Variants in ELL observed in about 807,000 individuals in gnomAD.
ELL encodes RNA polymerase II elongation factor ELL.
Under a neutral mutation model 64.0 loss-of-function variants are expected in ELL, and 18 were observed. The ratio of observed to expected loss-of-function variants is 0.28; its 90% confidence interval spans 0.19 to 0.42. The LOEUF (loss-of-function observed/expected upper bound fraction) is 0.42, where lower values mean the gene tolerates loss of function less well. Ranked by LOEUF, ELL falls within the 10% of genes least tolerant of loss-of-function variation. The probability of loss-of-function intolerance (pLI) is 1.00; values close to 1 mark genes in which losing one functional copy is unlikely to be tolerated. For synonymous variants in ELL, 399 were observed against 376.2 expected, an observed-to-expected ratio of 1.06 and a Z score of -0.70; for missense variants, 797 against 870.4, an observed-to-expected ratio of 0.92 and a Z score of 1.06.
chr19:18,493,784 C>A (rs1435976640), intron 1 of ELL, among the ~76,000 whole-genome samples: 6 of 152,246 alleles, frequency 3.9e-5, no homozygotes, highest in African/African-American at 9.6e-5. Flanking sequence ...AACCCCATCC[C>A]TTTCTCATGG....
At chr19:18,518,572 T>G (rs1346566795) in intron 1 of ELL, among the ~76,000 whole-genome samples, 1 of 150,522 alleles carries the variant, frequency 6.6e-6, no homozygotes, top group African/African-American at 2.4e-5. Flanking sequence ...GATGGATCAC[T>G]TGAGGGGTCA....
intron 1 of ELL, among the ~76,000 whole-genome samples, chr19:18,486,096 C>G (rs1013165416): frequency 6.6e-6 from 1 of 152,194 alleles, no homozygotes; most frequent in Non-Finnish European, 1.5e-5. Flanking sequence ...ACAGCCACCC[C>G]CTGCTGACCT....
rs749450327 is a variant in ELL at position 18,446,438 on chromosome 19, G to A, written c.1575C>T (p.Tyr525=). 1.2e-6 allele frequency: 2 copies of A among 1,613,014 alleles called. No homozygotes were observed. Among genetic ancestry groups the A allele is most frequent in the Non-Finnish European group, 8.5e-7 (1 of 1,179,952 alleles). The part of the protein sequence containing the change: ...AISSSEQRQS[Y]KNDFNAEYSE... ...TGTACTCGGCATTGAAGTCGTTCTT[G>A]TAGCTCTGGCGCTGCTCCGAAGAGG... Residue 525 remains tyrosine, a synonymous_variant, in exon 10 of 12, where the codon TAC becomes TAT. Coordinates refer to ENST00000262809, the MANE Select transcript of ELL (RefSeq NM_006532.4).
chr19:18,504,826 G>A (rs1453186182), intron 1 of ELL, among the ~76,000 whole-genome samples: 4 of 152,096 alleles, frequency 2.6e-5, no homozygotes, highest in African/African-American at 4.8e-5. Flanking sequence ...CACTCTCCAC[G>A]GAGCCCTGCC....
At chr19:18,457,587 T>C (rs1974708551) in intron 6 of ELL, among the ~76,000 whole-genome samples, 1 of 152,174 alleles carries the variant, frequency 6.6e-6, no homozygotes, top group South Asian at 2.1e-4. Flanking sequence ...AGAAATCACT[T>C]ACGGACTAAT....
At chr19:18,491,782 T>C (rs1175992394) in intron 1 of ELL, among the ~76,000 whole-genome samples, 3 of 151,850 alleles carry the variant, frequency 2.0e-5, no homozygotes, top group Non-Finnish European at 4.4e-5. Context: ...CTGGGTGTGA[T>C]GGCACACACC....
At chr19:18,469,952 G>A (rs1975029371) in intron 2 of ELL, among the ~76,000 whole-genome samples, 1 of 152,268 alleles carries the variant, frequency 6.6e-6, no homozygotes, top group African/African-American at 2.4e-5. Flanking sequence ...GATGAGCCCA[G>A]TGCAGGCTCT....
chr19:18,517,326 C>T (rs1976151021), intron 1 of ELL, among the ~76,000 whole-genome samples: 1 of 152,136 alleles, frequency 6.6e-6, no homozygotes, highest in African/African-American at 2.4e-5. Context: ...GGTGCGATCT[C>T]GGTTCACTGC....
chr19:18,458,138 C>T, intron 6 of ELL, 67 bp downstream of exon 6: 1 of 1,585,314 alleles, frequency 6.3e-7, no homozygotes, highest in Non-Finnish European at 8.5e-7. Context: ...ACCCCAGCAT[C>T]CTCTGGGTAA....
chr19:18,445,083 TGGG>T, intron 11 of ELL, 138 bp downstream of exon 11: 1 of 1,256,832 alleles, frequency 8.0e-7, no homozygotes, highest in South Asian at 1.3e-5. Context: ...CTGGGGGTGG[TGGG>T]GCAACTTTGG....
intron 1 of ELL, among the ~76,000 whole-genome samples, chr19:18,520,313 A>T (rs1344601218): frequency 6.6e-6 from 1 of 152,174 alleles, no homozygotes; most frequent in African/African-American, 2.4e-5. Context: ...AGGACAAGTC[A>T]GAATCGCTCA....
chr19:18,483,296 C>T (rs1975343902), intron 1 of ELL, among the ~76,000 whole-genome samples: 1 of 152,208 alleles, frequency 6.6e-6, no homozygotes, highest in Non-Finnish European at 1.5e-5. Context: ...TGCCACCGCC[C>T]ACCTGGCAGT....
At chr19:18,467,026 G>A (rs1974952644) in intron 2 of ELL, among the ~76,000 whole-genome samples, 2 of 152,194 alleles carry the variant, frequency 1.3e-5, no homozygotes, top group Admixed American at 6.5e-5. Flanking sequence ...CCAGACACGT[G>A]GAGGAGCACC....
intron 8 of ELL, 70 bp downstream of exon 8, chr19:18,450,407 C>T (rs1367030902): frequency 3.2e-6 from 5 of 1,570,102 alleles, no homozygotes; most frequent in Non-Finnish European, 1.7e-6. Flanking sequence ...CCTCGACACC[C>T]CATGAGGGTG....
intron 1 of ELL, among the ~76,000 whole-genome samples, chr19:18,482,240 T>A (rs987553978): frequency 6.6e-6 from 1 of 151,784 alleles, no homozygotes; most frequent in African/African-American, 2.4e-5. Context: ...GTTTTTTTTT[T>A]TATATACAAG....
In ELL at chr19:18,449,587, C is replaced by T. The variant is rs1568375111; in HGVS notation, c.1465+890G>A. ...AAAGCTATAATGAAAGAAGGGCTCC[C>T]ACCCTCATCCCAGGAATCCCCTGAC... On this transcript the variant is annotated intron_variant, in intron 8 of 11. Transcript: ENST00000262809. This position sits in a 1 kb window ranked among gnomAD's most constrained non-coding sequence, Gnocchi z 4.4. 6.6e-6 allele frequency among the ~76,000 whole-genome samples: 1 copy of T among 152,188 alleles called. No homozygotes were observed. Among genetic ancestry groups the T allele is most frequent in the Non-Finnish European group, 1.5e-5 (1 of 68,012 alleles).
chr19:18,519,478 C>T (rs982083409), intron 1 of ELL, among the ~76,000 whole-genome samples: 2 of 152,144 alleles, frequency 1.3e-5, no homozygotes, highest in African/African-American at 4.8e-5. Context: ...AAAGTCCATC[C>T]ACTATACTGC....
intron 1 of ELL, among the ~76,000 whole-genome samples, chr19:18,484,617 G>C (rs1041335719): frequency 2.0e-5 from 3 of 152,310 alleles, no homozygotes; most frequent in Admixed American, 1.3e-4. Context: ...TCCGGCAGGG[G>C]TGACAGAGAG....
intron 2 of ELL, among the ~76,000 whole-genome samples, chr19:18,468,736 C>A (rs1600455659): frequency 6.6e-6 from 1 of 152,362 alleles, no homozygotes; most frequent in African/African-American, 2.4e-5. Flanking sequence ...TGACTAAGGG[C>A]TGGGCACCCT....
Sources: allele counts gnomAD v4.1 joint callset (sites outside exome capture counted in the v4.1 genomes callset), GRCh38; gene constraint gnomAD v4.1.1; non-coding constraint Gnocchi (gnomAD v3.1); transcripts MANE v1.5; gene names NCBI Gene and HGNC (gene_info 2026-07-23, HGNC 2026-07-21).